Variants in HTR2C observed in about 807,000 individuals in gnomAD.
HTR2C encodes 5-hydroxytryptamine receptor 2C.
In HTR2C, 5 loss-of-function variants were observed where a neutral mutation model predicts 21.0. That is an observed-to-expected ratio of 0.24 (90% CI 0.12 to 0.50). The LOEUF is 0.50. Among genes scored for constraint, HTR2C ranks in the 20% least tolerant of loss-of-function variants. The probability of loss-of-function intolerance (pLI) is 0.98; values close to 1 mark genes in which losing one functional copy is unlikely to be tolerated. For missense variants in HTR2C, 271 were observed against 371.2 expected (o/e 0.73, Z 2.22); for synonymous variants, 150 against 145.3 (o/e 1.03, Z -0.23).
At chrX:114,643,711 T>G (rs1454154576) in intron 2 of HTR2C, among the ~76,000 whole-genome samples, 2 of 111,972 alleles carry the variant, frequency 1.8e-5, no homozygotes, top group African/African-American at 6.5e-5. Flanking sequence ...ATTAATTACA[T>G]GTTCTTGGGC....
At chrX:114,787,200 C>T (rs1397323450) in intron 4 of HTR2C, among the ~76,000 whole-genome samples, 4 of 111,611 alleles carry the variant, frequency 3.6e-5, no homozygotes, top group African/African-American at 1.3e-4. Context: ...GCCTGGTTCC[C>T]CAGAGGACTA....
chrX:114,764,772 A>T (rs2069920753), intron 4 of HTR2C, among the ~76,000 whole-genome samples: 1 of 112,053 alleles, frequency 8.9e-6, no homozygotes, highest in African/African-American at 3.2e-5. Flanking sequence ...CTCAAGAAAG[A>T]TTAGAATTCC....
intron 2 of HTR2C, among the ~76,000 whole-genome samples, chrX:114,657,780 T>G (rs1207512439): frequency 1.8e-5 from 2 of 111,720 alleles, no homozygotes; most frequent in African/African-American, 3.2e-5. Context: ...ATTATTCTCA[T>G]TTTTTTAAGG....
At chrX:114,591,902 A>G (rs1927649031) in intron 1 of HTR2C, among the ~76,000 whole-genome samples, 2 of 111,960 alleles carry the variant, frequency 1.8e-5, no homozygotes, top group South Asian at 7.4e-4. Flanking sequence ...AATTTATGGT[A>G]TAGGCAACAT....
At chrX:114,603,135 A>G (rs1348360903) in intron 1 of HTR2C, among the ~76,000 whole-genome samples, 1 of 111,538 alleles carries the variant, frequency 9.0e-6, no homozygotes, top group Non-Finnish European at 1.9e-5. Flanking sequence ...AGATACAGTC[A>G]TGGGGGTCAG....
At chrX:114,857,702 T>G (rs1357704731) in intron 5 of HTR2C, among the ~76,000 whole-genome samples, 1 of 111,096 alleles carries the variant, frequency 9.0e-6, no homozygotes. Context: ...AAGTTCAATT[T>G]GTCAGCGTTT....
At chrX:114,831,146 C>A (rs9673349) in intron 4 of HTR2C, among the ~76,000 whole-genome samples, 2 of 92,569 alleles carry the variant, frequency 2.2e-5, no homozygotes, top group South Asian at 6.2e-4. Context: ...TGAATAATGC[C>A]GCAATAAACA....
At chrX:114,800,209 TA>T (rs1281538717) in intron 4 of HTR2C, among the ~76,000 whole-genome samples, 1 of 111,634 alleles carries the variant, frequency 9.0e-6, no homozygotes, top group African/African-American at 3.2e-5. Flanking sequence ...GGGTAGATGT[TA>T]AATTATAATA....
At position 114,659,596 on chromosome X, in the gene HTR2C, G is replaced by A. The variant is rs146250915; in HGVS notation, c.-80+45715G>A. On this transcript the variant is annotated intron_variant, in intron 2 of 5. Transcript: ENST00000276198. ...TAAGGCTGCCAAACTGTCAAACGTT[G>A]GAAGAGATTAAGGAGAAACAACAAC... Among the ~76,000 whole-genome samples, 797 of 111,043 alleles carry A rather than the reference G, an allele frequency of 7.2e-3. 10 individuals carry two copies. Among genetic ancestry groups the A allele is most frequent in the African/African-American group, 0.025 (754 of 30,560 alleles).
chrX:114,790,702 C>T (rs1196267839), intron 4 of HTR2C, among the ~76,000 whole-genome samples: 3 of 111,804 alleles, frequency 2.7e-5, no homozygotes, highest in Non-Finnish European at 5.6e-5. Flanking sequence ...TTCTTTCTCT[C>T]ATTTAGAAAA....
intron 1 of HTR2C, among the ~76,000 whole-genome samples, chrX:114,594,718 C>T (rs898184709): frequency 1.8e-5 from 2 of 111,031 alleles, no homozygotes; most frequent in African/African-American, 6.5e-5. Flanking sequence ...ACTACAGATT[C>T]GCTAATGCAG....
intron 4 of HTR2C, among the ~76,000 whole-genome samples, chrX:114,773,798 G>A (rs1470035747): frequency 8.9e-6 from 1 of 111,931 alleles, no homozygotes; most frequent in Non-Finnish European, 1.9e-5. Context: ...TTCACTTTGT[G>A]CACTTAGCTT....
chrX:114,602,037 A>T (rs1356395005), intron 1 of HTR2C, among the ~76,000 whole-genome samples: 1 of 99,575 alleles, frequency 1.0e-5, no homozygotes, highest in Non-Finnish European at 2.0e-5. Context: ...AAACAGGTAT[A>T]AAAGGTCTAA....
intron 2 of HTR2C, among the ~76,000 whole-genome samples, chrX:114,623,221 G>A (rs1313965710): frequency 8.9e-6 from 1 of 112,097 alleles, no homozygotes; most frequent in Non-Finnish European, 1.9e-5. Context: ...AGGGGCTTAA[G>A]CGAGTTATCC....
intron 4 of HTR2C, among the ~76,000 whole-genome samples, chrX:114,828,258 G>A (rs1398106613): frequency 1.8e-5 from 2 of 109,797 alleles, no homozygotes; most frequent in Non-Finnish European, 1.9e-5. Flanking sequence ...TTCAAATATT[G>A]TATTTTTTGA....
At chrX:114,835,601 A>G (rs1376818000) in intron 4 of HTR2C, among the ~76,000 whole-genome samples, 1 of 110,763 alleles carries the variant, frequency 9.0e-6, no homozygotes. Flanking sequence ...CTAGTTATAC[A>G]TTCTTCTAAA....
chrX:114,743,755 A>G (rs1193584167), intron 4 of HTR2C, among the ~76,000 whole-genome samples: 1 of 111,925 alleles, frequency 8.9e-6, no homozygotes, highest in Admixed American at 9.5e-5. Context: ...AAATTTAGAG[A>G]TTCAAGAAAT....
At chrX:114,743,037 T>C (rs1418666090) in intron 4 of HTR2C, among the ~76,000 whole-genome samples, 1 of 69,901 alleles carries the variant, frequency 1.4e-5, no homozygotes, top group African/African-American at 5.5e-5. Flanking sequence ...ATTTCATCCA[T>C]GTCCCTACAA....
At chrX:114,603,486 C>T (rs62595556) in intron 1 of HTR2C, among the ~76,000 whole-genome samples, 13,084 of 105,893 alleles carry the variant, frequency 0.12, 765 homozygotes, top group Middle Eastern at 0.24. Flanking sequence ...TCTGACCACT[C>T]GAACCATGCC....
Sources: allele counts gnomAD v4.1 joint callset (sites outside exome capture counted in the v4.1 genomes callset), GRCh38; gene constraint gnomAD v4.1.1; transcripts MANE v1.5; gene names NCBI Gene and HGNC (gene_info 2026-07-23, HGNC 2026-07-21).